KIAA1217: variants seen among roughly 807,000 people sequenced by gnomAD.
KIAA1217 encodes the protein KIAA1217, also known as sickle tail protein homolog.
In KIAA1217, 88 loss-of-function variants were observed where a neutral mutation model predicts 163.9. That is an observed-to-expected ratio of 0.54 (90% CI 0.45 to 0.64). The LOEUF is 0.64. KIAA1217 is among the 30% of genes least tolerant of loss of function. The pLI is 0.00. For synonymous variants in KIAA1217, 903 were observed against 923.1 expected (o/e 0.98, Z 0.39); for missense variants, 2,372 against 2,475.0 (o/e 0.96, Z 0.88).
intron 1 of KIAA1217, among the ~76,000 whole-genome samples, chr10:23,720,589 T>G (rs1837827142): frequency 1.3e-5 from 2 of 152,228 alleles, no homozygotes; most frequent in African/African-American, 4.8e-5. Context: ...TACAGCCTTA[T>G]AAAAAGGACT....
intron 2 of KIAA1217, among the ~76,000 whole-genome samples, chr10:24,174,769 A>G (rs915232276): frequency 1.3e-5 from 2 of 152,128 alleles, no homozygotes; most frequent in African/African-American, 2.4e-5. Context: ...CTTTGGTTAC[A>G]TGAATAAGTT....
At chr10:24,430,900 T>C (rs960346867) in intron 3 of KIAA1217, among the ~76,000 whole-genome samples, 7 of 152,202 alleles carry the variant, frequency 4.6e-5, no homozygotes, top group African/African-American at 1.4e-4. Context: ...TGGTACTGGT[T>C]TGTGGCCTGA....
At chr10:24,012,395 C>G (rs947331330) in intron 2 of KIAA1217, among the ~76,000 whole-genome samples, 3 of 152,116 alleles carry the variant, frequency 2.0e-5, no homozygotes, top group Non-Finnish European at 4.4e-5. Context: ...CTAGCCACAG[C>G]CTGGGGCTTC....
At chr10:24,438,592 G>A (rs999477588) in intron 5 of KIAA1217, 113 bp downstream of exon 5, 102 of 700,542 alleles carry the variant, frequency 1.5e-4, no homozygotes, top group Non-Finnish European at 2.5e-4. Flanking sequence ...AGGGTTCTCC[G>A]CACTCATCTC....
chr10:23,919,604 T>C (rs1260746962), intron 1 of KIAA1217, among the ~76,000 whole-genome samples: 1 of 104,210 alleles, frequency 9.6e-6, no homozygotes, highest in African/African-American at 4.6e-5. Flanking sequence ...AGACTCCTTC[T>C]CTAAAAAAAA....
chr10:23,993,553 C>CTTTTTTTTTTTTTTT (rs200437343), intron 1 of KIAA1217, among the ~76,000 whole-genome samples: 1,372 of 68,898 alleles, frequency 0.02, 338 homozygotes, highest in Non-Finnish European at 0.024. Flanking sequence ...CATAGCCCAG[C>CTTTTTTTTTTTTTTT]TTTTTTTTTT....
intron 3 of KIAA1217, among the ~76,000 whole-genome samples, chr10:24,401,891 T>TATACTA (rs1236318408): frequency 6.6e-6 from 1 of 152,190 alleles, no homozygotes; most frequent in Non-Finnish European, 1.5e-5. Flanking sequence ...ATCTATTGCA[T>TATACTA]TTCTATATAC....
chr10:23,923,462 G>A (rs1842919505), intron 1 of KIAA1217, among the ~76,000 whole-genome samples: 2 of 152,064 alleles, frequency 1.3e-5, no homozygotes, highest in African/African-American at 2.4e-5. Flanking sequence ...TTAAATGAGG[G>A]GTTTTGAGAT....
intron 4 of KIAA1217, 65 bp downstream of exon 4, chr10:24,433,258 T>C: frequency 1.5e-6 from 2 of 1,370,816 alleles, no homozygotes; most frequent in Non-Finnish European, 2.0e-6. Context: ...TTTTGTTTTT[T>C]TGTTTTTGAG....
At chr10:24,182,664 G>A (rs541334586) in intron 2 of KIAA1217, among the ~76,000 whole-genome samples, 2 of 152,216 alleles carry the variant, frequency 1.3e-5, no homozygotes, top group Admixed American at 1.3e-4. Context: ...TTTGTATTTT[G>A]CTTAATGTAG....
At chr10:23,791,322 A>G (rs1835942146) in intron 1 of KIAA1217, among the ~76,000 whole-genome samples, 1 of 152,224 alleles carries the variant, frequency 6.6e-6, no homozygotes, top group African/African-American at 2.4e-5. Flanking sequence ...CAACCTCAAC[A>G]ATTAACAATA....
intron 2 of KIAA1217, among the ~76,000 whole-genome samples, chr10:24,104,661 G>A (rs1207152482): frequency 1.3e-5 from 2 of 152,186 alleles, no homozygotes; most frequent in African/African-American, 4.8e-5. Context: ...TGGACTTTGG[G>A]TGAAAATGAA....
chr10:24,316,573 A>G (rs2043402763), intron 2 of KIAA1217, among the ~76,000 whole-genome samples: 1 of 152,036 alleles, frequency 6.6e-6, no homozygotes. Context: ...CTCCTGACAC[A>G]CCCCTACTAG....
chr10:24,130,372 T>C (rs1385764001), intron 2 of KIAA1217, among the ~76,000 whole-genome samples: 4 of 152,204 alleles, frequency 2.6e-5, no homozygotes, highest in Non-Finnish European at 2.9e-5. Context: ...GGGCATGCCA[T>C]GTTTTATTAT....
rs186686278 is a variant in KIAA1217 at position 23,984,296 on chromosome 10, G to C, written c.-320-22929G>C. The stretch of plus-strand genomic sequence containing the variant: ...CTCTGTCTATTCCTGCCTATATACT[G>C]TTGGTGTCCTATAGGTCTTTTTACA... On this transcript the variant is annotated intron_variant, in intron 1 of 18. Coordinates refer to the KIAA1217 transcript ENST00000376462. Among the ~76,000 whole-genome samples the C allele has an allele frequency of 2.3e-4, 35 of 152,308 alleles. No individual in the cohort carries two copies. The East Asian group carries it at 5.8e-3, about 25-fold the overall frequency.
intron 1 of KIAA1217, among the ~76,000 whole-genome samples, chr10:23,771,132 T>C (rs1564406060): frequency 6.6e-6 from 1 of 152,106 alleles, no homozygotes; most frequent in Non-Finnish European, 1.5e-5. Context: ...CACTGTTAGA[T>C]CGACTTCAGG....
chr10:24,157,064 G>A (rs146217377), intron 2 of KIAA1217, among the ~76,000 whole-genome samples: 91 of 152,244 alleles, frequency 6.0e-4, no homozygotes, highest in East Asian at 5.2e-3. Flanking sequence ...GGAAGTACGC[G>A]TTTCAGTTTT....
At chr10:24,418,216 T>C (rs1171504979) in intron 3 of KIAA1217, among the ~76,000 whole-genome samples, 1 of 152,130 alleles carries the variant, frequency 6.6e-6, no homozygotes, top group East Asian at 1.9e-4. Context: ...CTTCTTGTCC[T>C]CCCAAAGTGC....
chr10:24,059,327 C>A (rs2060634502), intron 2 of KIAA1217, among the ~76,000 whole-genome samples: 1 of 151,922 alleles, frequency 6.6e-6, no homozygotes, highest in Admixed American at 6.6e-5. Flanking sequence ...ATAATATGGG[C>A]CCGCAATTTT....
Sources: gnomAD v4.1 joint callset for allele counts (sites outside exome capture counted in the v4.1 genomes callset) on GRCh38, gnomAD v4.1.1 for gene constraint, MANE v1.5 for transcripts, NCBI Gene and HGNC (gene_info 2026-07-23, HGNC 2026-07-21) for gene names.